The following DYNC2H1 variants were observed in gnomAD, a reference collection of about 807,000 sequenced individuals.
DYNC2H1 encodes cytoplasmic dynein 2 heavy chain 1.
A neutral mutation model predicts 570.0 loss-of-function variants in DYNC2H1; 410 were observed. The observed-to-expected ratio is 0.72, with a 90% CI of 0.66 to 0.78. The LOEUF (loss-of-function observed/expected upper bound fraction) is 0.78, where lower values mean the gene tolerates loss of function less well. DYNC2H1 is among the 30% of genes least tolerant of loss of function. The pLI, the probability that DYNC2H1 is intolerant of heterozygous loss-of-function variation, is 0.00. For synonymous variants in DYNC2H1, 1,688 were observed against 1,677.6 expected (o/e 1.01, Z -0.15); for missense variants, 4,865 against 5,046.4 (o/e 0.96, Z 1.09).
chr11:103,146,241 T>A (rs917948224), intron 18 of DYNC2H1, among the ~76,000 whole-genome samples: 3 of 152,208 alleles, frequency 2.0e-5, no homozygotes, highest in Non-Finnish European at 4.4e-5. Flanking sequence ...CTCTTAAGGA[T>A]CTCACCTGGC....
Position 103,129,498 on chromosome 11 carries a change from A to G in DYNC2H1, c.1953+493A>G, listed in dbSNP as rs865868325. Among the ~76,000 whole-genome samples, 1 of 152,152 alleles carries G rather than the reference A, an allele frequency of 6.6e-6. No individual in the cohort carries two copies. The highest frequency in any genetic ancestry group is 1.5e-5 in the Non-Finnish European group (1 of 68,008). ...GGGGTTTGAGACCAGCCTGGCCAAC[A>G]TGGTGAAACCCCATCTCAACTAAAA... On this transcript the variant is annotated intron_variant, in intron 13 of 88. Transcript: ENST00000375735. The surrounding 1 kb of genome is among the most constrained non-coding windows in gnomAD (Gnocchi z 4.1).
chr11:103,229,770 T>C (rs2135179601), intron 59 of DYNC2H1, among the ~76,000 whole-genome samples: 1 of 152,284 alleles, frequency 6.6e-6, no homozygotes, highest in African/African-American at 2.4e-5. Flanking sequence ...ACATCTTCCA[T>C]GGTAGAAAGA....
chr11:103,132,040 CTCTT>C (rs1859304883), intron 13 of DYNC2H1, among the ~76,000 whole-genome samples: 1 of 151,962 alleles, frequency 6.6e-6, no homozygotes, highest in African/African-American at 2.4e-5. Context: ...CAGTTTTTCT[CTCTT>C]CTTCCTTTTA....
chr11:103,221,964 C>T, intron 57 of DYNC2H1, 66 bp from the exon 58 acceptor site: 1 of 1,559,704 alleles, frequency 6.4e-7, no homozygotes, highest in Non-Finnish European at 8.7e-7. Flanking sequence ...TTTTGTTAAA[C>T]TGATTTTTTT....
chr11:103,237,129 CT>C (rs1253984491), intron 63 of DYNC2H1, among the ~76,000 whole-genome samples: 1 of 151,896 alleles, frequency 6.6e-6, no homozygotes. Context: ...TTCCCATTAA[CT>C]TGGTTTACTT....
At chr11:103,190,979 C>G (rs1862282115) in intron 45 of DYNC2H1, among the ~76,000 whole-genome samples, 1 of 141,658 alleles carries the variant, frequency 7.1e-6, no homozygotes, top group Non-Finnish European at 1.5e-5. Context: ...TTTTTTTGGC[C>G]ATCTGTTGAA....
intron 54 of DYNC2H1, 30 bp from the exon 55 acceptor site, chr11:103,215,691 A>G: frequency 6.5e-7 from 1 of 1,532,588 alleles, no homozygotes. Flanking sequence ...CTTTTTTAAA[A>G]TATTGCCGAT....
rs927711251 is a variant in DYNC2H1 at position 103,156,281 on chromosome 11, T to C, written c.3745-107T>C. The C allele has an allele frequency of 2.6e-6, 3 of 1,169,192 alleles. No individual in the cohort carries two copies. In the African/African-American group the frequency reaches 4.7e-5, roughly 19 times the overall value. 72.4% of individuals were successfully genotyped at this position (1,169,192 alleles called of 1,614,324 possible). On this transcript the variant is annotated intron_variant, in intron 25 of 88. Transcript: ENST00000375735. ...ACTTAACTTTTTTTTTTTTGCCTTA[T>C]GGTGAAAAGCCAGATAAAATATATT...
At chr11:103,434,918 C>T (rs1347221440) in intron 84 of DYNC2H1, among the ~76,000 whole-genome samples, 1 of 151,990 alleles carries the variant, frequency 6.6e-6, no homozygotes, top group African/African-American at 2.4e-5. Context: ...TTTTTTATAG[C>T]CTAGACTTGG....
At chr11:103,155,881 C>A (rs1011485329) in intron 25 of DYNC2H1, among the ~76,000 whole-genome samples, 1 of 151,968 alleles carries the variant, frequency 6.6e-6, no homozygotes, top group Non-Finnish European at 1.5e-5. Flanking sequence ...AGAAATAAAC[C>A]TCTGTGTTTG....
intron 84 of DYNC2H1, among the ~76,000 whole-genome samples, chr11:103,430,958 T>C (rs1374400465): frequency 6.6e-6 from 1 of 152,150 alleles, no homozygotes; most frequent in Non-Finnish European, 1.5e-5. Context: ...TCCCTTTCTA[T>C]CATAAGCTTT....
chr11:103,432,479 C>T (rs1767419595), intron 84 of DYNC2H1, among the ~76,000 whole-genome samples: 2 of 152,222 alleles, frequency 1.3e-5, no homozygotes, highest in East Asian at 1.9e-4. Context: ...CTTGAACCAC[C>T]ACTGCACTGT....
intron 83 of DYNC2H1, among the ~76,000 whole-genome samples, chr11:103,362,744 A>G (rs984559611): frequency 6.6e-6 from 1 of 152,118 alleles, no homozygotes; most frequent in South Asian, 2.1e-4. Flanking sequence ...ATGATATAAT[A>G]GGTGGCTGGG....
Position 103,249,921 on chromosome 11 carries a change from A to T in DYNC2H1, c.10043-3364A>T, listed in dbSNP as rs1290727863. On this transcript the variant is annotated intron_variant, in intron 65 of 88. Transcript: ENST00000375735. This position sits in a 1 kb window ranked among gnomAD's most constrained non-coding sequence, Gnocchi z 4.6. ...TTTCTGATCACACCCAATTCCCAGG[A>T]AAAGTACATTTTTCTTGAATTATTT... Among the ~76,000 whole-genome samples, 1 of 152,066 alleles carries T rather than the reference A, an allele frequency of 6.6e-6. No homozygotes were observed. Among genetic ancestry groups the T allele is most frequent in the Admixed American group, 6.6e-5 (1 of 15,222 alleles).
rs372722488 is a variant in DYNC2H1 at position 103,149,295 on chromosome 11, G to A, written c.2946+678G>A. Among the ~76,000 whole-genome samples the A allele has an allele frequency of 8.5e-5, 13 of 152,170 alleles. 1 individual carries two copies. The East Asian group carries it at 1.4e-3, about 16-fold the overall frequency. On this transcript the variant is annotated intron_variant, in intron 20 of 88. Transcript: ENST00000375735. Reference sequence around the variant, plus strand: ...ACACATATACACATACATACATAATGGAAGAGCTCATAATTAAATACAAAG... The same window carrying A: ...ACACATATACACATACATACATAATAGAAGAGCTCATAATTAAATACAAAG...
At position 103,454,291 on chromosome 11, in the gene DYNC2H1, T is replaced by C. The variant is rs117386396; in HGVS notation, c.12457-895T>C. On this transcript the variant is annotated intron_variant, in intron 85 of 88. Coordinates refer to ENST00000375735, the MANE Select transcript of DYNC2H1 (RefSeq NM_001377.3). ...AGTAAATGAGGATTCTGTACGTTTT[T>C]AATCGCTGACATTACTATAGTACCA... Among the ~76,000 whole-genome samples the C allele has an allele frequency of 3.4e-3, 523 of 152,278 alleles. 5 individuals carry two copies. The highest frequency in any genetic ancestry group is 0.014 in the Middle Eastern group (4 of 294).
intron 60 of DYNC2H1, among the ~76,000 whole-genome samples, chr11:103,231,580 G>A (rs1217260503): frequency 2.5e-5 from 2 of 79,660 alleles, no homozygotes; most frequent in African/African-American, 5.0e-5. Context: ...TTATACTCAA[G>A]TTAAGGATCA....
chr11:103,117,754 T>C lies in DYNC2H1; in HGVS notation c.890T>C (p.Val297Ala). ...TCAATTTGTGAACAGTGGGTGATAGTCTGTAATCATCTAACAGGTCAGGTG... is the reference window on the plus strand; with the variant it reads ...TCAATTTGTGAACAGTGGGTGATAGCCTGTAATCATCTAACAGGTCAGGTG... ...GISICEQWVIVCNHLTGQVWQ... is the reference protein window; with the variant it reads ...GISICEQWVIACNHLTGQVWQ... The change falls in exon 6 of 89, where the codon GTC becomes GCC. Residue 297 changes from valine to alanine, a missense_variant. Around this residue, in one of 5 missense-constraint regions of DYNC2H1, gnomAD observed 1,936 missense variants for 1,962.1 expected, o/e 0.99. Transcript: ENST00000375735. 6.2e-7 allele frequency: 1 copy of C among 1,613,526 alleles called. No individual in the cohort carries two copies. The highest frequency in any genetic ancestry group is 8.5e-7 in the Non-Finnish European group (1 of 1,179,586).
intron 84 of DYNC2H1, among the ~76,000 whole-genome samples, chr11:103,435,683 T>C (rs1944035727): frequency 6.6e-6 from 1 of 152,136 alleles, no homozygotes; most frequent in South Asian, 2.1e-4. Flanking sequence ...AAATATTGTT[T>C]AAGAAAACAT....
Sources: gnomAD v4.1 joint callset for allele counts (sites outside exome capture counted in the v4.1 genomes callset) on GRCh38, gnomAD v4.1.1 for gene constraint, gnomAD v4.1.1 regional missense constraint, Gnocchi (gnomAD v3.1) non-coding constraint, MANE v1.5 for transcripts, NCBI Gene and HGNC (gene_info 2026-07-23, HGNC 2026-07-21) for gene names.